GPHN: variants seen among roughly 807,000 people sequenced by gnomAD.
GPHN encodes gephyrin.
A neutral mutation model predicts 95.5 loss-of-function variants in GPHN; 17 were observed. The ratio of observed to expected loss-of-function variants is 0.18; its 90% CI spans 0.12 to 0.27. GPHN has a LOEUF of 0.27. Among genes scored for constraint, GPHN ranks in the 10% least tolerant of loss-of-function variants. GPHN has a pLI of 1.00. For missense variants in GPHN, 660 were observed against 978.1 expected (o/e 0.67, Z 4.34); for synonymous variants, 320 against 322.5 (o/e 0.99, Z 0.08).
the GPHN span, chr14:67,473,728 G>A: frequency 3.1e-6 from 5 of 1,611,128 alleles, no homozygotes; most frequent in South Asian, 2.2e-5. This position sits in a 1 kb window ranked among gnomAD's most constrained non-coding sequence, Gnocchi z 6.5. Context: ...CCGCGCAGCC[G>A]CAGGTACATG....
the GPHN span, among the ~76,000 whole-genome samples, chr14:67,195,632 T>C: frequency 1.3e-5 from 2 of 152,092 alleles, no homozygotes; most frequent in Admixed American, 6.6e-5. Flanking sequence ...GATACACCAA[T>C]TATAAGATAT....
rs892839889 is a variant in GPHN, at chr14:66,976,857, T to A, written c.963+11532T>A. Among the ~76,000 whole-genome samples, 6 of 128,690 alleles carry A rather than the reference T, an allele frequency of 4.7e-5. No individual in the cohort carries two copies. In the South Asian group the frequency reaches 1.6e-3, roughly 34 times the overall value. 84.4% of individuals were successfully genotyped at this position (128,690 alleles called of 152,430 possible). A position where few individuals can be genotyped will look rare whatever the true frequency, so the allele number is the denominator to read the frequency against. ...CCAGTAGGAAAAAGTAAAAAAAGGA[T>A]GAGTAAAAGGTAAGCATAGTCATTT... On this transcript the variant is annotated intron_variant, in intron 9 of 22. Transcript: ENST00000478722.
At chr14:67,653,691 T>A in the GPHN span, among the ~76,000 whole-genome samples, 10 of 152,222 alleles carry the variant, frequency 6.6e-5, no homozygotes, top group Non-Finnish European at 1.5e-4. Flanking sequence ...ACTCATCAAG[T>A]AGGCTTAAGA....
At chr14:67,214,226 G>A in the GPHN span, among the ~76,000 whole-genome samples, 91 of 152,078 alleles carry the variant, frequency 6.0e-4, no homozygotes, top group Admixed American at 2.2e-3. Context: ...TGTTTTAGAC[G>A]TGAAGTCCTT....
the GPHN span, chr14:67,692,849 G>T: frequency 1.9e-6 from 2 of 1,078,218 alleles, no homozygotes; most frequent in Non-Finnish European, 2.8e-6. Flanking sequence ...TTCCAAAACT[G>T]GGAAGAAACA....
At chr14:66,524,651 C>T (rs974937561) in intron 1 of GPHN, among the ~76,000 whole-genome samples, 4 of 152,050 alleles carry the variant, frequency 2.6e-5, no homozygotes, top group Non-Finnish European at 4.4e-5. Context: ...TCCCGCAGCC[C>T]CCCACACCCC....
intron 8 of GPHN, among the ~76,000 whole-genome samples, chr14:66,953,836 CA>C (rs2068289076): frequency 6.6e-6 from 1 of 152,020 alleles, no homozygotes; most frequent in African/African-American, 2.4e-5. Flanking sequence ...CGTTTGAGAC[CA>C]CTCTGGCCAA....
chr14:66,605,552 C>T (rs2319394), intron 1 of GPHN, among the ~76,000 whole-genome samples: 4 of 114,340 alleles, frequency 3.5e-5, no homozygotes, highest in Admixed American at 3.2e-4. Flanking sequence ...TTTTTTGAGA[C>T]GGAGTCTCAC....
chr14:67,473,682 G>A, the GPHN span: 4 of 1,584,818 alleles, frequency 2.5e-6, no homozygotes, highest in South Asian at 1.1e-5. The surrounding 1 kb of genome is among the most constrained non-coding windows in gnomAD (Gnocchi z 6.5). Flanking sequence ...GGTCCAGAGC[G>A]TGTAGATGAG....
chr14:67,100,745 C>T (rs1225684570), intron 12 of GPHN, 111 bp from the exon 13 acceptor site: 1 of 755,250 alleles, frequency 1.3e-6, no homozygotes, highest in African/African-American at 1.7e-5. Context: ...TTCCACTTCT[C>T]TAAGCCTTAT....
rs111656797 is a variant in GPHN at position 67,143,553 on chromosome 14, A to T, written c.1836+104A>T. On this transcript the variant is annotated intron_variant, in intron 18 of 22. Coordinates refer to ENST00000478722, the MANE Select transcript of GPHN (RefSeq NM_020806.5). ...ATCTGATATTCATAACGAGGCTCCCACAAAGCTGAAAATCCATGGGGCTTC... is the reference window on the plus strand; with the variant it reads ...ATCTGATATTCATAACGAGGCTCCCTCAAAGCTGAAAATCCATGGGGCTTC... 138 of 797,942 alleles carry T rather than the reference A, an allele frequency of 1.7e-4. 2 individuals are homozygous for T. The African/African-American group carries it at 2.1e-3, about 12-fold the overall frequency. The allele number at this position is 797,942 out of a possible 1,614,324, so 49.4% of individuals were successfully genotyped here.
At chr14:67,615,225 C>T in the GPHN span, 1 of 152,592 alleles carries the variant, frequency 6.6e-6, no homozygotes, top group African/African-American at 2.4e-5. Context: ...AAACTTAACT[C>T]ATTCTTTATG....
At chr14:67,428,687 C>T in the GPHN span, among the ~76,000 whole-genome samples, 8 of 152,366 alleles carry the variant, frequency 5.3e-5, no homozygotes, top group Admixed American at 1.3e-4. Flanking sequence ...CAGCTATTCC[C>T]TCACCAGAAC....
chr14:67,029,537 A>G (rs1486935418), intron 10 of GPHN, among the ~76,000 whole-genome samples: 4 of 152,040 alleles, frequency 2.6e-5, no homozygotes, highest in Admixed American at 2.0e-4. Flanking sequence ...GGATTTCACC[A>G]TGTTGGCCAG....
intron 17 of GPHN, among the ~76,000 whole-genome samples, chr14:67,123,733 A>G (rs755235048): frequency 6.6e-6 from 1 of 152,240 alleles, no homozygotes; most frequent in Non-Finnish European, 1.5e-5. Flanking sequence ...TGGACCACGT[A>G]CAACCCAGGA....
At chr14:67,584,795 T>G in the GPHN span, among the ~76,000 whole-genome samples, 1 of 152,234 alleles carries the variant, frequency 6.6e-6, no homozygotes, top group African/African-American at 2.4e-5. Context: ...GAGATGTATA[T>G]TCATCAAATA....
the GPHN span, among the ~76,000 whole-genome samples, chr14:67,689,439 T>A: frequency 2.0e-5 from 3 of 152,132 alleles, no homozygotes; most frequent in Non-Finnish European, 2.9e-5. Flanking sequence ...TATATTTCCC[T>A]CTTATTTGAT....
chr14:66,669,857 T>C (rs2066201664), intron 1 of GPHN, among the ~76,000 whole-genome samples: 1 of 152,230 alleles, frequency 6.6e-6, no homozygotes. Flanking sequence ...CATGTGTTTT[T>C]ATAATTCCTT....
the GPHN span, among the ~76,000 whole-genome samples, chr14:67,439,569 C>CTTTCTTTCTTTCTTTT: frequency 7.2e-6 from 1 of 138,708 alleles, no homozygotes; most frequent in African/African-American, 3.1e-5. Context: ...TTCTTTCTTT[C>CTTTCTTTCTTTCTTTT]TTTCTTTCTT....
Sources: allele counts gnomAD v4.1 joint callset (sites outside exome capture counted in the v4.1 genomes callset), GRCh38; gene constraint gnomAD v4.1.1; non-coding constraint Gnocchi (gnomAD v3.1); transcripts MANE v1.5; gene names NCBI Gene and HGNC (gene_info 2026-07-23, HGNC 2026-07-21).